NELL1: variants seen among roughly 807,000 people sequenced by gnomAD.
The protein encoded by NELL1 is protein kinase C-binding protein NELL1.
NELL1 carries 76 observed loss-of-function variants against 107.4 expected under a neutral mutation model. That is an observed-to-expected ratio of 0.71 (90% CI 0.59 to 0.86). The LOEUF (loss-of-function observed/expected upper bound fraction) is 0.86. Among genes scored for constraint, NELL1 ranks in the 40% least tolerant of loss-of-function variants. The pLI is 0.00. For synonymous variants in NELL1, 353 were observed against 341.2 expected (o/e 1.03, Z -0.38); for missense variants, 1,024 against 1,005.5 (o/e 1.02, Z -0.25).
chr11:20,939,800 A>G (rs1850811068), intron 10 of NELL1, among the ~76,000 whole-genome samples: 1 of 152,194 alleles, frequency 6.6e-6, no homozygotes, highest in South Asian at 2.1e-4. Context: ...AACATTCAGG[A>G]GGAGGAACAT....
intron 15 of NELL1, among the ~76,000 whole-genome samples, chr11:21,382,265 T>C (rs918008155): frequency 1.3e-5 from 2 of 151,894 alleles, no homozygotes; most frequent in African/African-American, 2.4e-5. Flanking sequence ...AGGTGACTAA[T>C]GGTTAATGCA....
At chr11:20,731,221 A>G (rs1204934698) in intron 2 of NELL1, among the ~76,000 whole-genome samples, 2 of 152,222 alleles carry the variant, frequency 1.3e-5, no homozygotes, top group African/African-American at 4.8e-5. Context: ...AGGGCTTCAG[A>G]TACTCTGTGA....
chr11:21,212,134 T>C (rs556307124), intron 13 of NELL1, among the ~76,000 whole-genome samples: 1 of 152,252 alleles, frequency 6.6e-6, no homozygotes, highest in African/African-American at 2.4e-5. Flanking sequence ...TCTTCTGACA[T>C]AGTTTGATAG....
intron 5 of NELL1, among the ~76,000 whole-genome samples, chr11:20,889,564 A>T (rs1393668487): frequency 6.6e-6 from 1 of 152,240 alleles, no homozygotes; most frequent in Non-Finnish European, 1.5e-5. Context: ...AGTGATTATT[A>T]TTCTGAATGA....
chr11:21,480,230 T>C (rs1372566007), intron 15 of NELL1, among the ~76,000 whole-genome samples: 1 of 152,188 alleles, frequency 6.6e-6, no homozygotes, highest in African/African-American at 2.4e-5. Context: ...ACTATTAGCT[T>C]TGGAATCAGT....
chr11:21,051,750 C>G (rs567882724), intron 12 of NELL1, among the ~76,000 whole-genome samples: 1 of 152,118 alleles, frequency 6.6e-6, no homozygotes, highest in East Asian at 1.9e-4. Context: ...CTTGTTTTCT[C>G]TCTTCTCCTG....
chr11:21,564,627 G>A (rs1391521654), intron 17 of NELL1, among the ~76,000 whole-genome samples: 1 of 151,826 alleles, frequency 6.6e-6, no homozygotes, highest in African/African-American at 2.4e-5. Flanking sequence ...GTTAAAAAAT[G>A]TGAGTAGCCT....
intron 13 of NELL1, among the ~76,000 whole-genome samples, chr11:21,127,930 C>T (rs1047312547): frequency 6.6e-6 from 1 of 152,140 alleles, no homozygotes. Context: ...AGTTGCCTCT[C>T]TGTCTTCATT....
chr11:20,852,076 C>G (rs1414280067), intron 4 of NELL1, among the ~76,000 whole-genome samples: 1 of 152,188 alleles, frequency 6.6e-6, no homozygotes, highest in Non-Finnish European at 1.5e-5. Flanking sequence ...TGCCGGCATC[C>G]CTACCCTGTG....
intron 5 of NELL1, among the ~76,000 whole-genome samples, chr11:20,901,920 GAC>G (rs1849883186): frequency 6.6e-6 from 1 of 152,048 alleles, no homozygotes; most frequent in South Asian, 2.1e-4. Flanking sequence ...ATATATTATA[GAC>G]ACAGACATTG....
chr11:20,797,591 A>T (rs1857198185), intron 3 of NELL1, among the ~76,000 whole-genome samples: 1 of 145,912 alleles, frequency 6.9e-6, no homozygotes, highest in African/African-American at 2.5e-5. Flanking sequence ...AAAAAAAGAC[A>T]GGAGGTTGCT....
chr11:21,036,473 A>G (rs1370342901), intron 12 of NELL1, among the ~76,000 whole-genome samples: 1 of 152,140 alleles, frequency 6.6e-6, no homozygotes, highest in Admixed American at 6.5e-5. Context: ...CACTGACTGC[A>G]AACTATATTA....
chr11:21,268,823 T>A (rs1848684033), intron 14 of NELL1, among the ~76,000 whole-genome samples: 1 of 152,226 alleles, frequency 6.6e-6, no homozygotes, highest in Non-Finnish European at 1.5e-5. Context: ...AAAACCAGAC[T>A]CAGATGTGGC....
intron 2 of NELL1, among the ~76,000 whole-genome samples, chr11:20,734,869 G>T (rs990942503): frequency 6.6e-5 from 10 of 152,124 alleles, no homozygotes; most frequent in African/African-American, 1.9e-4. Context: ...AGCAGCAGTG[G>T]CCCCTGGGGA....
At chr11:20,844,793 G>A (rs924727066) in intron 3 of NELL1, among the ~76,000 whole-genome samples, 1 of 152,192 alleles carries the variant, frequency 6.6e-6, no homozygotes, top group African/African-American at 2.4e-5. Flanking sequence ...AGATTCTGCT[G>A]CAGTAGACCT....
chr11:21,112,941 G>A (rs565068516), intron 12 of NELL1, among the ~76,000 whole-genome samples: 66 of 152,088 alleles, frequency 4.3e-4, no homozygotes, highest in African/African-American at 1.5e-3. Flanking sequence ...TCCCTATCAC[G>A]AACTTTTATG....
intron 12 of NELL1, among the ~76,000 whole-genome samples, chr11:21,015,106 C>G (rs1852535288): frequency 6.6e-6 from 1 of 152,054 alleles, no homozygotes; most frequent in South Asian, 2.1e-4. Flanking sequence ...TTTGACACGT[C>G]TTCTTTCTGT....
At chr11:20,676,074 CT>C (rs1357251029) in intron 1 of NELL1, among the ~76,000 whole-genome samples, 2 of 152,120 alleles carry the variant, frequency 1.3e-5, no homozygotes, top group African/African-American at 4.8e-5. Flanking sequence ...TTCTCTACCC[CT>C]GGCCCATTCA....
intron 12 of NELL1, among the ~76,000 whole-genome samples, chr11:21,110,459 C>T (rs530188971): frequency 1.3e-5 from 2 of 152,224 alleles, no homozygotes; most frequent in South Asian, 4.1e-4. Flanking sequence ...AATAGCTTGG[C>T]TGGCTTGACT....
Sources: allele counts gnomAD v4.1 joint callset (sites outside exome capture counted in the v4.1 genomes callset), GRCh38; gene constraint gnomAD v4.1.1; transcripts MANE v1.5; gene names NCBI Gene and HGNC (gene_info 2026-07-23, HGNC 2026-07-21).